The following AMZ2 variants were observed in gnomAD, a reference collection of about 807,000 sequenced individuals.
AMZ2 encodes archaemetzincin-2.
Under a neutral mutation model 36.7 loss-of-function variants are expected in AMZ2, and 26 were observed. The observed-to-expected ratio is 0.71, with a 90% CI of 0.52 to 0.98. AMZ2 has a LOEUF of 0.98. AMZ2 is among the 50% of genes least tolerant of loss of function. The probability of loss-of-function intolerance (pLI) is 0.00; values close to 1 mark genes in which losing one functional copy is unlikely to be tolerated. For synonymous variants in AMZ2, 144 were observed against 149.1 expected (o/e 0.97, Z 0.25); for missense variants, 394 against 430.5 (o/e 0.92, Z 0.75).
At position 68,241,706 on chromosome 17, in the gene AMZ2, G is replaced by A. The variant is rs1199079889; in HGVS notation, c.-66-6934G>A. Among the ~76,000 whole-genome samples the A allele has an allele frequency of 2.0e-5, 3 of 151,336 alleles. No individual in the cohort carries two copies. In the East Asian group the frequency reaches 5.8e-4, roughly 29 times the overall value. On this transcript the variant is annotated intron_variant, in intron 1 of 7. Coordinates refer to the AMZ2 transcript ENST00000674770. Reference sequence around the variant, plus strand: ...TACTTGGAATATTTTCATACATATAGTAATTTTATTATTATTATTACTATT... The same window carrying A: ...TACTTGGAATATTTTCATACATATAATAATTTTATTATTATTATTACTATT...
intron 1 of AMZ2, among the ~76,000 whole-genome samples, chr17:68,222,364 C>T (rs1201255815): frequency 2.0e-5 from 3 of 152,154 alleles, no homozygotes; most frequent in East Asian, 1.9e-4. Context: ...TGGCTGAAGC[C>T]GTGGGTTGTA....
At chr17:68,216,066 A>G (rs1455070633) in intron 1 of AMZ2, among the ~76,000 whole-genome samples, 4 of 152,224 alleles carry the variant, frequency 2.6e-5, no homozygotes, top group African/African-American at 9.6e-5. Context: ...TAAGCATTTT[A>G]TGTATTTTAA....
At chr17:68,219,368 G>A (rs1327299197) in intron 1 of AMZ2, among the ~76,000 whole-genome samples, 1 of 152,172 alleles carries the variant, frequency 6.6e-6, no homozygotes, top group Non-Finnish European at 1.5e-5. Context: ...GTCTGGTTCT[G>A]TTTGCCACAT....
At chr17:68,254,698 G>T (rs2074764553) in intron 5 of AMZ2, 131 bp downstream of exon 5, 1 of 802,336 alleles carries the variant, frequency 1.2e-6, no homozygotes, top group African/African-American at 1.8e-5. Context: ...GGTGCATAGT[G>T]CTTGACTGAA....
intron 2 of AMZ2, 88 bp downstream of exon 2, chr17:68,250,558 G>A: frequency 6.7e-7 from 1 of 1,491,330 alleles, no homozygotes; most frequent in Non-Finnish European, 9.0e-7. Context: ...TGATTCAGAT[G>A]GGCCGTTTTA....
intron 1 of AMZ2, among the ~76,000 whole-genome samples, chr17:68,225,059 G>T (rs1370864342): frequency 6.6e-6 from 1 of 151,974 alleles, no homozygotes; most frequent in Non-Finnish European, 1.5e-5. Flanking sequence ...GGGCATGCTG[G>T]CGTGCACCTG....
chr17:68,247,599 G>A (rs1207211098), upstream of AMZ2: 8 of 980,630 alleles, frequency 8.2e-6, no homozygotes, highest in Non-Finnish European at 9.7e-6. Flanking sequence ...AGTGCTGAGG[G>A]TGACGGCCCC....
At chr17:68,208,653 C>A (rs541164646) in intron 1 of AMZ2, among the ~76,000 whole-genome samples, 2 of 152,176 alleles carry the variant, frequency 1.3e-5, no homozygotes, top group Non-Finnish European at 2.9e-5. Context: ...TTTGTTCTTT[C>A]GCTCTTTGTG....
rs1228632201 is a variant in AMZ2 at position 68,254,506 on chromosome 17, C to G, written c.689C>G (p.Ser230Ter). ...KLKKTSSSDY[S>*]IFDNYYIPEI... ...AAGAAAACATCTTCAAGTGACTATT[C>G]AATTTTCGACAACTATTATATTCCA... Residue 230 changes from serine to a stop codon, truncating the protein, a stop_gained, in exon 5 of 7, where the codon TCA (serine) becomes TGA (stop). Coordinates refer to ENST00000359904, the MANE Select transcript of AMZ2 (RefSeq NM_016627.5). LOFTEE classifies it high-confidence loss of function. The G allele has an allele frequency of 3.1e-6, 5 of 1,613,074 alleles. No individual in the cohort carries two copies. Among genetic ancestry groups the G allele is most frequent in the Non-Finnish European group, 4.2e-6 (5 of 1,179,428 alleles).
intron 1 of AMZ2, among the ~76,000 whole-genome samples, chr17:68,231,290 T>A (rs9907913): frequency 6.6e-6 from 1 of 152,004 alleles, no homozygotes; most frequent in Admixed American, 6.6e-5. Context: ...AGGTTGGTCT[T>A]GAATTCCTGG....
intron 1 of AMZ2, among the ~76,000 whole-genome samples, chr17:68,207,758 G>A (rs1177239632): frequency 3.9e-5 from 6 of 152,206 alleles, no homozygotes; most frequent in African/African-American, 1.4e-4. Context: ...CTCTGGGCGC[G>A]CTTGAGGAGC....
chr17:68,230,462 T>G (rs1331285753), intron 1 of AMZ2, among the ~76,000 whole-genome samples: 27 of 152,218 alleles, frequency 1.8e-4, no homozygotes, highest in African/African-American at 6.5e-4. Context: ...CTCTGTCACC[T>G]TCTGTTGTTT....
intron 1 of AMZ2, among the ~76,000 whole-genome samples, chr17:68,211,179 T>C (rs539898209): frequency 6.6e-6 from 1 of 152,116 alleles, no homozygotes; most frequent in East Asian, 1.9e-4. Context: ...GGGCCAGTGA[T>C]TCTGGGGCTT....
At chr17:68,228,256 T>A (rs1568354579) in intron 1 of AMZ2, among the ~76,000 whole-genome samples, 3 of 152,268 alleles carry the variant, frequency 2.0e-5, no homozygotes, top group Admixed American at 1.3e-4. Flanking sequence ...CCACTCCACC[T>A]ACGCCTTACA....
At chr17:68,210,621 T>C (rs1363928496) in intron 1 of AMZ2, among the ~76,000 whole-genome samples, 1 of 152,170 alleles carries the variant, frequency 6.6e-6, no homozygotes, top group Non-Finnish European at 1.5e-5. Context: ...ACAATGTGAA[T>C]ATACTTAACT....
intron 1 of AMZ2, chr17:68,206,555 CTT>C (rs531636359): frequency 6.5e-6 from 1 of 154,678 alleles, no homozygotes; most frequent in Non-Finnish European, 1.4e-5. Context: ...AGGATTGAAA[CTT>C]TGGCAAACAC....
chr17:68,247,816 G>C (rs1273762078), upstream of AMZ2: 1 of 985,466 alleles, frequency 1.0e-6, no homozygotes, highest in East Asian at 1.1e-4. Flanking sequence ...AGGAATCGGC[G>C]ACTGCGGGGG....
upstream of AMZ2, among the ~76,000 whole-genome samples, chr17:68,244,061 T>A (rs1555734649): frequency 6.6e-6 from 1 of 152,138 alleles, no homozygotes; most frequent in African/African-American, 2.4e-5. Context: ...ACAGAGCAAA[T>A]AAATAAATTG....
intron 1 of AMZ2, among the ~76,000 whole-genome samples, chr17:68,216,606 A>C (rs2073200572): frequency 6.6e-6 from 1 of 152,208 alleles, no homozygotes; most frequent in South Asian, 2.1e-4. Flanking sequence ...TTTATACTGT[A>C]GTCTATAGAG....
Sources: gnomAD v4.1 joint callset for allele counts (sites outside exome capture counted in the v4.1 genomes callset) on GRCh38, gnomAD v4.1.1 for gene constraint, MANE v1.5 for transcripts, NCBI Gene and HGNC (gene_info 2026-07-23, HGNC 2026-07-21) for gene names.